NAV1: variants seen among roughly 807,000 people sequenced by gnomAD.
The protein encoded by NAV1 is neuron navigator 1.
In NAV1, 18 loss-of-function variants were observed where a neutral mutation model predicts 175.2. The ratio of observed to expected loss-of-function variants is 0.10; its 90% confidence interval spans 0.07 to 0.15. NAV1 has a LOEUF of 0.15. NAV1 is among the 10% of genes least tolerant of loss of function. The pLI is 1.00. For missense variants in NAV1, 1,731 were observed against 2,436.6 expected, an observed-to-expected ratio of 0.71 and a Z score of 6.10; for synonymous variants, 897 against 978.7, an observed-to-expected ratio of 0.92 and a Z score of 1.56.
At chr1:201,550,665 G>A (rs1665828551) in intron 1 of NAV1, among the ~76,000 whole-genome samples, 1 of 152,190 alleles carries the variant, frequency 6.6e-6, no homozygotes, top group African/African-American at 2.4e-5. Flanking sequence ...TTGACACAAT[G>A]TTACATTTTA....
intron 3 of NAV1, among the ~76,000 whole-genome samples, chr1:201,771,443 G>T (rs1675578313): frequency 6.8e-6 from 1 of 146,854 alleles, no homozygotes; most frequent in Non-Finnish European, 1.5e-5. Flanking sequence ...AGGTTGCAGT[G>T]AGCCGAGACC....
At chr1:201,774,111 C>G (rs1221857945) in intron 3 of NAV1, among the ~76,000 whole-genome samples, 2 of 151,756 alleles carry the variant, frequency 1.3e-5, no homozygotes, top group Non-Finnish European at 2.9e-5. Flanking sequence ...GAATTTAGGC[C>G]TAGCTTGTTG....
chr1:201,628,448 T>C (rs1459036730), intron 1 of NAV1, among the ~76,000 whole-genome samples: 1 of 151,996 alleles, frequency 6.6e-6, no homozygotes, highest in Non-Finnish European at 1.5e-5. Context: ...CTACTCCAGG[T>C]TATACAGTGA....
intron 1 of NAV1, among the ~76,000 whole-genome samples, chr1:201,665,753 C>G (rs1439697391): frequency 6.6e-6 from 1 of 151,978 alleles, no homozygotes. Context: ...ACTGAATTGC[C>G]TCTGCCTCCC....
At chr1:201,825,239 A>T (rs937240686) in exon 30 of NAV1, 2 of 152,204 alleles carry the variant, frequency 1.3e-5, no homozygotes, top group Non-Finnish European at 2.9e-5. Context: ...TTCAACAAGG[A>T]AAAGCAGTTG....
rs1678603954 is a variant in NAV1 at position 201,810,236 on chromosome 1, G to A, written c.4561+131G>A. ...TAATATGAAGATGCTTAAGTAATGT[G>A]AGATATAAAAAGATGAGTAAGACCC... On this transcript the variant is annotated intron_variant, in intron 23 of 29. Coordinates refer to ENST00000367296, the Ensembl canonical transcript of NAV1. The surrounding 1 kb of genome is among the most constrained non-coding windows in gnomAD (Gnocchi z 6.0). 1 of 1,294,882 alleles carries A rather than the reference G, an allele frequency of 7.7e-7. No homozygotes were observed. The highest frequency in any genetic ancestry group is 1.1e-6 in the Non-Finnish European group (1 of 947,460). 80.2% of individuals were successfully genotyped at this position (1,294,882 alleles called of 1,614,324 possible).
upstream of NAV1, among the ~76,000 whole-genome samples, chr1:201,643,455 A>G (rs1259135554): frequency 2.2e-5 from 3 of 135,734 alleles, no homozygotes; most frequent in African/African-American, 8.5e-5. Context: ...TTTTTTTGAG[A>G]CAGGGTCTCA....
At chr1:201,674,889 A>T (rs1211658696) in intron 1 of NAV1, among the ~76,000 whole-genome samples, 1 of 151,936 alleles carries the variant, frequency 6.6e-6, no homozygotes, top group African/African-American at 2.4e-5. Flanking sequence ...ATACACACAC[A>T]CATAGCTGGG....
At chr1:201,756,569 C>A (rs1054153257) in intron 3 of NAV1, among the ~76,000 whole-genome samples, 4 of 152,204 alleles carry the variant, frequency 2.6e-5, no homozygotes, top group African/African-American at 9.6e-5. Context: ...AGGGAAGACT[C>A]TGCAGTCTCC....
In NAV1 at chr1:201,745,345, G is replaced by T. The variant is rs149731773; in HGVS notation, c.1226+26590G>T. 6.3e-3 allele frequency among the ~76,000 whole-genome samples: 956 copies of T among 152,270 alleles called. 10 individuals are homozygous for T. The highest frequency in any genetic ancestry group is 9.4e-3 in the Non-Finnish European group (642 of 68,004). On this transcript the variant is annotated intron_variant, in intron 3 of 29. Transcript: ENST00000367296. ...CAAGGAATGCTTGATGTAACCCATG[G>T]ACTTACAAAGGATATATAGCAAGTA... is the stretch of plus-strand genomic sequence containing the variant.
chr1:201,658,013 AT>A (rs1669471147), intron 1 of NAV1, among the ~76,000 whole-genome samples: 2 of 152,262 alleles, frequency 1.3e-5, no homozygotes, highest in East Asian at 3.9e-4. Flanking sequence ...AGCCTGGGTA[AT>A]AGATCAAGAC....
At chr1:201,824,186 T>C (rs1383333441) in exon 30 of NAV1, 1 of 152,202 alleles carries the variant, frequency 6.6e-6, no homozygotes, top group African/African-American at 2.4e-5. Flanking sequence ...TTGCTTTCCT[T>C]ATTCCTTGGC....
At chr1:201,587,593 A>C (rs1302931827) in intron 1 of NAV1, among the ~76,000 whole-genome samples, 1 of 152,058 alleles carries the variant, frequency 6.6e-6, no homozygotes, top group African/African-American at 2.4e-5. Flanking sequence ...TTGATGTGGG[A>C]GGATAGCTTG....
intron 1 of NAV1, among the ~76,000 whole-genome samples, chr1:201,552,855 G>A (rs1349912815): frequency 6.6e-6 from 1 of 152,180 alleles, no homozygotes; most frequent in Non-Finnish European, 1.5e-5. Context: ...ATCCCCAAAT[G>A]GATGTTTACG....
intron 1 of NAV1, among the ~76,000 whole-genome samples, chr1:201,702,371 T>A (rs931554789): frequency 1.4e-4 from 21 of 152,206 alleles, no homozygotes; most frequent in Non-Finnish European, 2.5e-4. Context: ...TTGTTTTTTT[T>A]ATTATTATTT....
chr1:201,604,123 A>G (rs1437090812), intron 2 of NAV1, among the ~76,000 whole-genome samples: 2 of 152,140 alleles, frequency 1.3e-5, no homozygotes, highest in Non-Finnish European at 1.5e-5. Flanking sequence ...TGGCACGATC[A>G]CTGCTCACTG....
chr1:201,819,804 C>A (rs768412953), intron 29 of NAV1, 33 bp from the exon 34 acceptor site: 1 of 1,596,356 alleles, frequency 6.3e-7, no homozygotes, highest in African/African-American at 1.3e-5. Flanking sequence ...AGAGTCCCAA[C>A]TCTCATAAAT....
At chr1:201,726,467 T>A (rs542873730) in intron 3 of NAV1, among the ~76,000 whole-genome samples, 2 of 151,868 alleles carry the variant, frequency 1.3e-5, no homozygotes, top group Non-Finnish European at 2.9e-5. Flanking sequence ...AACAACAACA[T>A]GATGAAACCC....
intron 1 of NAV1, among the ~76,000 whole-genome samples, chr1:201,625,321 C>A (rs1277920478): frequency 6.6e-6 from 1 of 152,230 alleles, no homozygotes; most frequent in African/African-American, 2.4e-5. Context: ...AGACCTGACT[C>A]ATCACCATGG....
Sources: allele counts gnomAD v4.1 joint callset (sites outside exome capture counted in the v4.1 genomes callset), GRCh38; gene constraint gnomAD v4.1.1; non-coding constraint Gnocchi (gnomAD v3.1); transcripts MANE v1.5; gene names NCBI Gene and HGNC (gene_info 2026-07-23, HGNC 2026-07-21).